Variants in PIPOX observed in about 807,000 individuals in gnomAD.
PIPOX encodes the protein pipecolic acid and sarcosine oxidase.
Under a neutral mutation model 47.9 loss-of-function variants are expected in PIPOX, and 45 were observed. The ratio of observed to expected loss-of-function variants is 0.94; its 90% confidence interval spans 0.74 to 1.20. PIPOX has a LOEUF of 1.20. Ranked by LOEUF, PIPOX falls within the 50% of genes most tolerant of loss-of-function variation. The pLI is 0.00. For missense variants in PIPOX, 458 were observed against 498.4 expected (o/e 0.92, Z 0.77); for synonymous variants, 165 against 191.3 (o/e 0.86, Z 1.13).
At chr17:29,046,628 G>A in intron 2 of PIPOX, 1 of 985,510 alleles carries the variant, frequency 1.0e-6, no homozygotes, top group Non-Finnish European at 1.2e-6. Context: ...TGGGAGGAAA[G>A]GCAGGAGGAG....
intron 2 of PIPOX, among the ~76,000 whole-genome samples, chr17:29,050,306 G>C (rs1041456403): frequency 6.6e-6 from 1 of 152,198 alleles, no homozygotes; most frequent in African/African-American, 2.4e-5. Context: ...GTTTAAGCCA[G>C]GTCTGTCCCA....
chr17:29,052,056 A>G (rs917109139), intron 2 of PIPOX: 11 of 470,958 alleles, frequency 2.3e-5, no homozygotes, highest in African/African-American at 1.8e-4. Flanking sequence ...AGCCAGGACT[A>G]GAGACAGAGC....
At position 29,044,962 on chromosome 17, in the gene PIPOX, A is replaced by G; in HGVS notation, c.218A>G (p.Gln73Arg). ...FYTRMMHECY[Q>R]IWAQLEHEAG... Reference sequence around the variant, plus strand: ...ACCCGGATGATGCATGAGTGCTATCAGATATGGGCCCAGCTGGAGCACGAG... The same window carrying G: ...ACCCGGATGATGCATGAGTGCTATCGGATATGGGCCCAGCTGGAGCACGAG... Residue 73 changes from glutamine (Q) to arginine (R), a missense_variant, in exon 2 of 8, where the codon CAG becomes CGG. Gln to Arg is a conservative substitution (Grantham distance 43). Coordinates refer to ENST00000323372, the MANE Select transcript of PIPOX (RefSeq NM_016518.3). 1.2e-6 allele frequency: 2 copies of G among 1,613,696 alleles called. No individual in the cohort carries two copies. The highest frequency in any genetic ancestry group is 1.7e-6 in the Non-Finnish European group (2 of 1,179,828).
chr17:29,045,091 C>A, intron 2 of PIPOX, 84 bp downstream of exon 2: 1 of 1,425,010 alleles, frequency 7.0e-7, no homozygotes, highest in Non-Finnish European at 9.5e-7. Flanking sequence ...CGCCATGGAA[C>A]ATTTGGAATG....
intron 2 of PIPOX, 89 bp from the exon 3 acceptor site, chr17:29,052,831 C>T: frequency 8.9e-7 from 1 of 1,127,058 alleles, no homozygotes; most frequent in Admixed American, 1.9e-5. Flanking sequence ...CCTCAGCCTC[C>T]TGAAGTGCTG....
chr17:29,047,024 C>T (rs879398765), intron 2 of PIPOX, among the ~76,000 whole-genome samples: 5 of 152,164 alleles, frequency 3.3e-5, no homozygotes, highest in Admixed American at 6.5e-5. Flanking sequence ...TGGTGGCTCA[C>T]GCCTGTAATC....
chr17:29,048,932 G>A (rs1050572801), intron 2 of PIPOX, among the ~76,000 whole-genome samples: 1 of 152,190 alleles, frequency 6.6e-6, no homozygotes, highest in Non-Finnish European at 1.5e-5. Context: ...TTAACCCACA[G>A]AGGGGAGAGC....
rs1177906025 is a variant in PIPOX at position 29,054,586 on chromosome 17, T to C, written c.702T>C (p.Pro234=). 2.5e-6 allele frequency: 4 copies of C among 1,614,088 alleles called. No homozygotes were observed. The Admixed American group carries it at 6.7e-5, about 27-fold the overall frequency. ...INVCYWREMV[P]GSYGVSQAFP... ...TGTGTTACTGGCGAGAGATGGTTCC[T>C]GGGAGCTATGGTGTGTCCCAGGCCT... The change falls in exon 5 of 8, where the codon CCT becomes CCC. Residue 234 remains proline, a synonymous_variant. Transcript: ENST00000323372.
intron 1 of PIPOX, chr17:29,044,330 T>TTACTTAGCA (rs1191129721): frequency 6.6e-6 from 1 of 152,192 alleles, no homozygotes; most frequent in Non-Finnish European, 1.5e-5. Flanking sequence ...TGCAGCAGGA[T>TTACTTAGCA]GGTTGAAGAC....
rs540844405 is a variant in PIPOX at position 29,057,090 on chromosome 17, A to T, written c.*785A>T. 9.2e-5 allele frequency: 14 copies of T among 152,294 alleles called. No individual in the cohort carries two copies. Among genetic ancestry groups the T allele is most frequent in the African/African-American group, 3.4e-4 (14 of 41,570 alleles). 9.4% of individuals were successfully genotyped at this position (152,294 alleles called of 1,614,324 possible). ...GAGGGTGAACAAGGTGATCTCAGAG[A>T]TCACTACTGCTCTTGGAGTTCCTTC... On this transcript the variant is annotated 3_prime_UTR_variant, in exon 8 of 8. Coordinates refer to ENST00000323372, the MANE Select transcript of PIPOX (RefSeq NM_016518.3).
In PIPOX at chr17:29,056,469, C is replaced by A; in HGVS notation, c.*164C>A. On this transcript the variant is annotated 3_prime_UTR_variant, in exon 8 of 8. Coordinates refer to ENST00000323372, the MANE Select transcript of PIPOX (RefSeq NM_016518.3). ...GAGTCTACCTTCTTTCCTTGGCCCG[C>A]TCCCTTTTTCTTCTGCCTCACTTGA... 1 of 748,696 alleles carries A rather than the reference C, an allele frequency of 1.3e-6. No homozygotes were observed. The highest frequency in any genetic ancestry group is 2.1e-6 in the Non-Finnish European group (1 of 471,604). The allele number at this position is 748,696 out of a possible 1,614,324, so 46.4% of individuals were successfully genotyped here. A position where few individuals can be genotyped will look rare whatever the true frequency, so the allele number is the denominator to read the frequency against.
chr17:29,044,778 C>T lies in PIPOX; in HGVS notation c.115-81C>T, dbSNP rs1037439393. ...AGGATAAATGGCTCCTGGTTGACAG[C>T]ACATGCTGATATGGCTCTTAACAGG... On this transcript the variant is annotated intron_variant, in intron 1 of 7. Coordinates refer to ENST00000323372, the MANE Select transcript of PIPOX (RefSeq NM_016518.3). 1.1e-5 allele frequency: 15 copies of T among 1,396,450 alleles called. No individual in the cohort carries two copies. In the Admixed American group the frequency reaches 3.4e-4, roughly 32 times the overall value. 86.5% of individuals were successfully genotyped at this position (1,396,450 alleles called of 1,614,324 possible). A position where few individuals can be genotyped will look rare whatever the true frequency, so the allele number is the denominator to read the frequency against.
intron 2 of PIPOX, among the ~76,000 whole-genome samples, chr17:29,045,387 T>C (rs1375099286): frequency 1.4e-5 from 2 of 145,552 alleles, no homozygotes; most frequent in Non-Finnish European, 3.0e-5. Context: ...AGGAGGAGGC[T>C]GCTTTCAGGA....
chr17:29,046,841 AC>A, intron 2 of PIPOX: 1 of 799,222 alleles, frequency 1.3e-6, no homozygotes, highest in Non-Finnish European at 1.5e-6. Flanking sequence ...GAGCTGTTGA[AC>A]CTCTGGTGAG....
intron 2 of PIPOX, 126 bp downstream of exon 2, chr17:29,045,133 C>A: frequency 9.4e-7 from 1 of 1,061,024 alleles, no homozygotes; most frequent in Non-Finnish European, 1.3e-6. Context: ...TCAAGAAGTA[C>A]CAGATGCATG....
chr17:29,046,378 G>A (rs1217889866), intron 2 of PIPOX, among the ~76,000 whole-genome samples: 1 of 152,174 alleles, frequency 6.6e-6, no homozygotes, highest in Non-Finnish European at 1.5e-5. Flanking sequence ...ATCTTTCCGA[G>A]GGAGACGATT....
chr17:29,054,545 A>G lies in PIPOX; in HGVS notation c.661A>G (p.Thr221Ala). Residue 221 changes from threonine (T) to alanine (A), a missense_variant and splice_region_variant, in exon 5 of 8, where the codon ACC becomes GCC. Thr to Ala is a moderately conservative substitution (Grantham distance 58, BLOSUM62 0). Coordinates refer to ENST00000323372, the MANE Select transcript of PIPOX (RefSeq NM_016518.3). Reference sequence around the variant, plus strand: ...TCCCACTTCCTCTCCCTGCCTCAAGACCCTGCGGATCAACGTGTGTTACTG... The same window carrying G: ...TCCCACTTCCTCTCCCTGCCTCAAGGCCCTGCGGATCAACGTGTGTTACTG... ...RPLGIEMPLQ[T>A]LRINVCYWRE... is the part of the protein sequence containing the mutation. The G allele has an allele frequency of 1.9e-6, 3 of 1,613,916 alleles. No homozygotes were observed. Among genetic ancestry groups the G allele is most frequent in the South Asian group, 2.2e-5 (2 of 91,062 alleles).
In PIPOX at chr17:29,056,273, C is replaced by T. The variant is rs765649913; in HGVS notation, c.1141C>T (p.Arg381Cys). 7.4e-6 allele frequency: 12 copies of T among 1,614,082 alleles called. No homozygotes were observed. Among genetic ancestry groups the T allele is most frequent in the South Asian group, 1.1e-5 (1 of 91,088 alleles). The change falls in exon 8 of 8, where the codon CGT becomes TGT. Residue 381 changes from arginine (R) to cysteine (C), a missense_variant. Transcript: ENST00000323372. ...TGACTTGGCACCTTTTCGAATCAGC[C>T]GTTTCCCAAGCCTGGGCAAAGCCCA... The part of the protein sequence containing the change: ...SYDLAPFRIS[R>C]FPSLGKAHL
At position 29,056,174 on chromosome 17, in the gene PIPOX, G is replaced by A. The variant is rs2152699075; in HGVS notation, c.1043-1G>A. 1.2e-6 allele frequency: 2 copies of A among 1,614,124 alleles called. No individual in the cohort carries two copies. The highest frequency in any genetic ancestry group is 2.2e-5 in the East Asian group (1 of 44,890). On this transcript the variant is annotated splice_acceptor_variant, in intron 7 of 7. Coordinates refer to ENST00000323372, the MANE Select transcript of PIPOX (RefSeq NM_016518.3). LOFTEE classifies it high-confidence loss of function. ...CTGAGAGTCTGCTCTTCCCTTCCTA[G>A]GGCACGGGTTCAAGCTGGCCCCTGT...
Sources: allele counts gnomAD v4.1 joint callset (sites outside exome capture counted in the v4.1 genomes callset), GRCh38; gene constraint gnomAD v4.1.1; transcripts MANE v1.5; gene names NCBI Gene and HGNC (gene_info 2026-07-23, HGNC 2026-07-21).